Variants in SORCS2 observed in about 807,000 individuals in gnomAD.
SORCS2 encodes VPS10 domain-containing receptor SorCS2.
A neutral mutation model predicts 141.6 loss-of-function variants in SORCS2; 100 were observed. The ratio of observed to expected loss-of-function variants is 0.71; its 90% confidence interval spans 0.60 to 0.83. SORCS2 has a LOEUF of 0.83. SORCS2 is among the 40% of genes least tolerant of loss of function. SORCS2 has a pLI of 0.00. For synonymous variants in SORCS2, 789 were observed against 676.9 expected, an observed-to-expected ratio of 1.17 and a Z score of -2.57; for missense variants, 1,646 against 1,560.2, an observed-to-expected ratio of 1.05 and a Z score of -0.93.
At chr4:7,499,032 C>T (rs750805283) in intron 2 of SORCS2, among the ~76,000 whole-genome samples, 5 of 152,104 alleles carry the variant, frequency 3.3e-5, no homozygotes, top group African/African-American at 7.2e-5. Context: ...GGGAGGGACA[C>T]GGCACAGGGT....
chr4:7,724,640 TGGA>T (rs1726984534), intron 19 of SORCS2, among the ~76,000 whole-genome samples: 1 of 147,162 alleles, frequency 6.8e-6, no homozygotes, highest in Non-Finnish European at 1.5e-5. Context: ...GTGGTGATGG[TGGA>T]GGTGATGGTG....
intron 3 of SORCS2, among the ~76,000 whole-genome samples, chr4:7,604,975 A>T (rs1333088078): frequency 6.6e-6 from 1 of 152,208 alleles, no homozygotes; most frequent in Non-Finnish European, 1.5e-5. Flanking sequence ...CCGCTGAGTT[A>T]GGATTCATTT....
intron 2 of SORCS2, among the ~76,000 whole-genome samples, chr4:7,515,536 A>G (rs1732919541): frequency 6.6e-6 from 1 of 152,172 alleles, no homozygotes; most frequent in African/African-American, 2.4e-5. Flanking sequence ...GAGGAGGAGG[A>G]GCAGCTTCCT....
intron 3 of SORCS2, among the ~76,000 whole-genome samples, chr4:7,563,704 T>G (rs980311738): frequency 6.6e-6 from 1 of 152,222 alleles, no homozygotes; most frequent in Non-Finnish European, 1.5e-5. Context: ...GTTAGCTCTG[T>G]GCTGCAGGTT....
chr4:7,375,780 G>C (rs1002425902), intron 1 of SORCS2, among the ~76,000 whole-genome samples: 16 of 152,250 alleles, frequency 1.1e-4, no homozygotes, highest in African/African-American at 3.9e-4. Context: ...TGCCGGCACT[G>C]TGTGTCCACA....
rs144021029 is a variant in SORCS2, at chr4:7,384,760, G to A, written c.481-11528G>A. Among the ~76,000 whole-genome samples the A allele has an allele frequency of 4.7e-3, 722 of 152,308 alleles. 4 individuals are homozygous for A. The highest frequency in any genetic ancestry group is 0.017 in the African/African-American group (687 of 41,568). On this transcript the variant is annotated intron_variant, in intron 1 of 26. Transcript: ENST00000507866. Reference sequence around the variant, plus strand: ...TGCACGGCCAACTCCCTGCATCCTCGCTTCAGCTCTGTGAGGCTCAGTGGC... The same window carrying A: ...TGCACGGCCAACTCCCTGCATCCTCACTTCAGCTCTGTGAGGCTCAGTGGC...
At chr4:7,728,058 A>G (rs1727345003) in intron 21 of SORCS2, among the ~76,000 whole-genome samples, 3 of 152,210 alleles carry the variant, frequency 2.0e-5, no homozygotes, top group Admixed American at 6.5e-5. Context: ...CATCTTTATC[A>G]TCATCACTGG....
chr4:7,534,718 C>T lies in SORCS2; in HGVS notation c.648+3089C>T, dbSNP rs532655274. Among the ~76,000 whole-genome samples, 232 of 152,256 alleles carry T rather than the reference C, an allele frequency of 1.5e-3. 2 individuals are homozygous for T. The highest frequency in any genetic ancestry group is 2.8e-3 in the Admixed American group (43 of 15,300). On this transcript the variant is annotated intron_variant, in intron 3 of 26. Coordinates refer to ENST00000507866, the MANE Select transcript of SORCS2 (RefSeq NM_020777.3). ...ACAAGCCAAGGAAAGCAGGCGCCTC[C>T]GGAAAGAAGTTGGAAAAGCCAAGGA...
At chr4:7,559,100 C>T (rs1424970337) in intron 3 of SORCS2, among the ~76,000 whole-genome samples, 1 of 152,168 alleles carries the variant, frequency 6.6e-6, no homozygotes, top group African/African-American at 2.4e-5. Flanking sequence ...GCCCAGCCCT[C>T]ACTTTCCCGG....
intron 2 of SORCS2, among the ~76,000 whole-genome samples, chr4:7,513,550 A>G (rs1293973566): frequency 6.6e-6 from 1 of 152,194 alleles, no homozygotes; most frequent in Non-Finnish European, 1.5e-5. Flanking sequence ...GGGAGCCAAC[A>G]GAGACCCACT....
intron 2 of SORCS2, among the ~76,000 whole-genome samples, chr4:7,420,470 G>A (rs1434489917): frequency 2.6e-5 from 4 of 152,184 alleles, no homozygotes; most frequent in South Asian, 2.1e-4. Flanking sequence ...CTCAGGTCCA[G>A]TTGGCACAGC....
intron 3 of SORCS2, among the ~76,000 whole-genome samples, chr4:7,634,204 T>C (rs1295153117): frequency 6.6e-6 from 1 of 152,040 alleles, no homozygotes; most frequent in East Asian, 1.9e-4. Context: ...TGAAACCCCA[T>C]CTCTACTAAA....
At chr4:7,270,699 A>G (rs1715067426) in intron 1 of SORCS2, among the ~76,000 whole-genome samples, 1 of 152,250 alleles carries the variant, frequency 6.6e-6, no homozygotes, top group South Asian at 2.1e-4. Context: ...ACTGTCAAGG[A>G]GGTGAAGACC....
Position 7,554,170 on chromosome 4 carries a change from A to G in SORCS2, c.648+22541A>G, listed in dbSNP as rs569620661. 5.3e-5 allele frequency among the ~76,000 whole-genome samples: 8 copies of G among 152,148 alleles called. No homozygotes were observed. In the South Asian group the frequency reaches 1.2e-3, roughly 24 times the overall value. On this transcript the variant is annotated intron_variant, in intron 3 of 26. Transcript: ENST00000507866. Reference sequence around the variant, plus strand: ...ATCTCCTAAGGGGGCACTACATATCATGGGGAGGACAGGACCAGGGAGGAC... The same window carrying G: ...ATCTCCTAAGGGGGCACTACATATCGTGGGGAGGACAGGACCAGGGAGGAC...
Position 7,434,149 on chromosome 4 carries a change from G to A in SORCS2, c.548+37794G>A, listed in dbSNP as rs200558117. ...TCCCCCCTTCCTGCAGAGCTCCTGC[G>A]GGGGGAGAAGCCTCAGTGCTTGGTC... On this transcript the variant is annotated intron_variant, in intron 2 of 26. Transcript: ENST00000507866. 2.0e-5 allele frequency: 33 copies of A among 1,613,828 alleles called. No homozygotes were observed. The highest frequency in any genetic ancestry group is 4.4e-5 in the South Asian group (4 of 91,058).
chr4:7,679,172 G>A (rs567057791), intron 9 of SORCS2, among the ~76,000 whole-genome samples: 4 of 152,262 alleles, frequency 2.6e-5, no homozygotes, highest in East Asian at 3.9e-4. Context: ...GTACTGCCTC[G>A]GAAGGCTGCA....
chr4:7,316,576 T>C (rs1718576438), intron 1 of SORCS2, among the ~76,000 whole-genome samples: 1 of 152,222 alleles, frequency 6.6e-6, no homozygotes, highest in Admixed American at 6.5e-5. Context: ...TATCTGACCT[T>C]CCCGTGCCTT....
chr4:7,720,953 C>G (rs1726546456), intron 18 of SORCS2, among the ~76,000 whole-genome samples: 1 of 152,206 alleles, frequency 6.6e-6, no homozygotes, highest in Non-Finnish European at 1.5e-5. Context: ...ACTCAACATG[C>G]AACGACCAGA....
intron 3 of SORCS2, among the ~76,000 whole-genome samples, chr4:7,610,283 AG>A (rs1425790034): frequency 6.6e-6 from 1 of 152,178 alleles, no homozygotes; most frequent in African/African-American, 2.4e-5. Flanking sequence ...TCCACACGTG[AG>A]ATGCTGGTGT....
Sources: gnomAD v4.1 joint callset for allele counts (sites outside exome capture counted in the v4.1 genomes callset) on GRCh38, gnomAD v4.1.1 for gene constraint, MANE v1.5 for transcripts, NCBI Gene and HGNC (gene_info 2026-07-23, HGNC 2026-07-21) for gene names.